Variants in PIEZO2 observed in about 807,000 individuals in gnomAD.
The protein encoded by PIEZO2 is piezo type mechanosensitive ion channel component 2, also known as piezo-type mechanosensitive ion channel component 2.
PIEZO2 carries 172 observed loss-of-function variants against 337.3 expected under a neutral mutation model. That is an observed-to-expected ratio of 0.51 (90% CI 0.45 to 0.58). PIEZO2 has a LOEUF of 0.58. Ranked by LOEUF, PIEZO2 falls within the 20% of genes least tolerant of loss-of-function variation. The pLI, the probability that PIEZO2 is intolerant of heterozygous loss-of-function variation, is 0.00. For missense variants in PIEZO2, 3,028 were observed against 3,391.3 expected (o/e 0.89, Z 2.66); for synonymous variants, 1,251 against 1,228.5 (o/e 1.02, Z -0.38).
chr18:11,039,087 A>G (rs192842194), intron 2 of PIEZO2, among the ~76,000 whole-genome samples: 64 of 152,222 alleles, frequency 4.2e-4, no homozygotes, highest in African/African-American at 1.4e-3. Flanking sequence ...AAAATAAAAC[A>G]AAAGGGAACA....
chr18:11,049,762 C>T (rs538314554), intron 2 of PIEZO2, among the ~76,000 whole-genome samples: 15 of 152,294 alleles, frequency 9.8e-5, no homozygotes, highest in South Asian at 6.2e-4. Context: ...CCATGTAAGA[C>T]ATGCCTTTCG....
rs199585856 is a variant in PIEZO2, at chr18:10,962,859, A to AT, written c.286+16675dup. Among the ~76,000 whole-genome samples the AT allele has an allele frequency of 6.6e-3, 1,012 of 152,296 alleles. 22 individuals are homozygous for AT. Among genetic ancestry groups the AT allele is most frequent in the African/African-American group, 0.023 (949 of 41,564 alleles). ...GAGGGATGACTTTTCCCACTGAGCT[A>AT]TTAGTTCTAACAGCCCTGAAAGCTA... On this transcript the variant is annotated intron_variant, in intron 3 of 55. Coordinates refer to ENST00000674853, the MANE Select transcript of PIEZO2 (RefSeq NM_001378183.1). This position sits in a 1 kb window ranked among gnomAD's most constrained non-coding sequence, Gnocchi z 4.1.
intron 17 of PIEZO2, among the ~76,000 whole-genome samples, chr18:10,780,905 C>T (rs977523194): frequency 6.6e-6 from 1 of 151,680 alleles, no homozygotes; most frequent in Non-Finnish European, 1.5e-5. Flanking sequence ...GCAGGTGATC[C>T]ACCCTCCTCA....
chr18:10,737,051 C>T (rs1441858696), intron 33 of PIEZO2, among the ~76,000 whole-genome samples: 2 of 151,924 alleles, frequency 1.3e-5, no homozygotes, highest in Non-Finnish European at 2.9e-5. Context: ...TCTAGATGAC[C>T]AAAATAACTG....
chr18:10,731,584 AC>A (rs1256380640), intron 35 of PIEZO2, 63 bp from the exon 36 acceptor site: 1 of 1,036,112 alleles, frequency 9.7e-7, no homozygotes, highest in African/African-American at 1.7e-5. Context: ...AGGGACCTAC[AC>A]CAAGCTTCCT....
intron 2 of PIEZO2, among the ~76,000 whole-genome samples, chr18:11,018,614 T>C (rs778003185): frequency 8.5e-5 from 13 of 152,258 alleles, no homozygotes; most frequent in Middle Eastern, 3.4e-3. Flanking sequence ...TGAACACACA[T>C]GTATGCCTGG....
chr18:11,143,054 G>A lies in PIEZO2; in HGVS notation c.64+5471C>T, dbSNP rs906173556. On this transcript the variant is annotated intron_variant, in intron 1 of 55. Transcript: ENST00000674853. The surrounding 1 kb of genome is among the most constrained non-coding windows in gnomAD (Gnocchi z 4.9). ...AGATCACGCCACTGCACTCCAGCCT[G>A]GGTGACAGAGCAAGACTCCGTCTCA... 6.6e-6 allele frequency among the ~76,000 whole-genome samples: 1 copy of A among 152,188 alleles called. No individual in the cohort carries two copies. Among genetic ancestry groups the A allele is most frequent in the Non-Finnish European group, 1.5e-5 (1 of 68,028 alleles).
rs2143745189 is a variant in PIEZO2 at position 10,702,043 on chromosome 18, A to T, written c.6387T>A (p.Val2129=). 6.5e-7 allele frequency: 1 copy of T among 1,536,842 alleles called. No individual in the cohort carries two copies. Among genetic ancestry groups the T allele is most frequent in the East Asian group, 2.4e-5 (1 of 40,904 alleles). ...IIGVEKKEGY[V]LYDLIQLLAL... is the part of the protein sequence containing the mutation. Reference sequence around the variant, plus strand: ...CCAGGAGCTGGATGAGGTCATAGAGAACATAACCTTCCTTCTTTTCCACTC... The same window carrying T: ...CCAGGAGCTGGATGAGGTCATAGAGTACATAACCTTCCTTCTTTTCCACTC... Residue 2129 remains valine (V), a synonymous_variant, in exon 43 of 56, where the codon GTT becomes GTA. Coordinates refer to ENST00000674853, the MANE Select transcript of PIEZO2 (RefSeq NM_001378183.1).
At chr18:10,797,822 G>A (rs1396933933) in intron 11 of PIEZO2, among the ~76,000 whole-genome samples, 1 of 152,186 alleles carries the variant, frequency 6.6e-6, no homozygotes, top group Non-Finnish European at 1.5e-5. Flanking sequence ...GCTGTTGTGT[G>A]GGCCCTCTCC....
rs1007389087 is a variant in PIEZO2, at chr18:10,846,258, C to T, written c.917+9095G>A. On this transcript the variant is annotated intron_variant, in intron 7 of 55. Coordinates refer to ENST00000674853, the MANE Select transcript of PIEZO2 (RefSeq NM_001378183.1). This position sits in a 1 kb window ranked among gnomAD's most constrained non-coding sequence, Gnocchi z 4.1. The stretch of plus-strand genomic sequence containing the variant: ...CACATCTTACACAGATGGCAGCAGG[C>T]AAAGAGAGAGCTCATGCAGGCAAAC... Among the ~76,000 whole-genome samples the T allele has an allele frequency of 5.3e-5, 8 of 152,102 alleles. No homozygotes were observed. Among genetic ancestry groups the T allele is most frequent in the Non-Finnish European group, 1.2e-4 (8 of 68,026 alleles).
intron 1 of PIEZO2, among the ~76,000 whole-genome samples, chr18:11,075,393 A>C (rs540370851): frequency 6.6e-6 from 1 of 152,390 alleles, no homozygotes; most frequent in African/African-American, 2.4e-5. Flanking sequence ...GAGAGAAAGG[A>C]AAAAGGCTGT....
At position 11,080,708 on chromosome 18, in the gene PIEZO2, G is replaced by A. The variant is rs1389463087; in HGVS notation, c.65-14486C>T. ...AAAATACAAAAATTAGCCGGGTGTG[G>A]TGGCATGTGCCTGTAGTCCCAGCTA... On this transcript the variant is annotated intron_variant, in intron 1 of 55. Coordinates refer to ENST00000674853, the MANE Select transcript of PIEZO2 (RefSeq NM_001378183.1). The surrounding 1 kb of genome is among the most constrained non-coding windows in gnomAD (Gnocchi z 5.4). Among the ~76,000 whole-genome samples, 2 of 152,186 alleles carry A rather than the reference G, an allele frequency of 1.3e-5. No individual in the cohort carries two copies. The highest frequency in any genetic ancestry group is 2.9e-5 in the Non-Finnish European group (2 of 68,044).
At position 10,969,160 on chromosome 18, in the gene PIEZO2, C is replaced by T. The variant is rs1285281514; in HGVS notation, c.286+10375G>A. ...CATATTCCATAAATTTGGAAACATA[C>T]AGTTATAGCTTTACATTGTTCGTCT... is the stretch of plus-strand genomic sequence containing the variant. On this transcript the variant is annotated intron_variant, in intron 3 of 55. Coordinates refer to ENST00000674853, the MANE Select transcript of PIEZO2 (RefSeq NM_001378183.1). The surrounding 1 kb of genome is among the most constrained non-coding windows in gnomAD (Gnocchi z 4.5). Among the ~76,000 whole-genome samples the T allele has an allele frequency of 1.3e-5, 2 of 152,198 alleles. No homozygotes were observed. The highest frequency in any genetic ancestry group is 4.8e-5 in the African/African-American group (2 of 41,460).
At chr18:10,732,929 T>TA (rs1244563597) in intron 35 of PIEZO2, among the ~76,000 whole-genome samples, 1 of 152,160 alleles carries the variant, frequency 6.6e-6, no homozygotes, top group Non-Finnish European at 1.5e-5. Flanking sequence ...ACATTTCCTT[T>TA]AAAAAAGTGT....
Position 10,813,620 on chromosome 18 carries a change from G to T in PIEZO2, c.918-6346C>A, listed in dbSNP as rs779267185. 2.0e-5 allele frequency among the ~76,000 whole-genome samples: 3 copies of T among 152,044 alleles called. No individual in the cohort carries two copies. The highest frequency in any genetic ancestry group is 4.4e-5 in the Non-Finnish European group (3 of 68,010). The stretch of plus-strand genomic sequence containing the variant: ...GCTGAATACATAAATATATACATAT[G>T]TATGTCCCATTTGTTAATTCATCTG... On this transcript the variant is annotated intron_variant, in intron 7 of 55. Transcript: ENST00000674853. The surrounding 1 kb of genome is among the most constrained non-coding windows in gnomAD (Gnocchi z 4.2).
At chr18:10,710,662 C>G (rs948445041) in intron 39 of PIEZO2, among the ~76,000 whole-genome samples, 5 of 152,224 alleles carry the variant, frequency 3.3e-5, no homozygotes, top group Non-Finnish European at 5.9e-5. Context: ...ATTCATGCCA[C>G]TGGCCTCGGA....
rs960725384 is a variant in PIEZO2, at chr18:10,954,655, G to T, written c.286+24880C>A. ...AAAAGGGCTGAGCTAGAGTGATGGC[G>T]GCACTCGAAGTCCACTGCAGTCCAC... On this transcript the variant is annotated intron_variant, in intron 3 of 55. Coordinates refer to ENST00000674853, the MANE Select transcript of PIEZO2 (RefSeq NM_001378183.1). The surrounding 1 kb of genome is among the most constrained non-coding windows in gnomAD (Gnocchi z 4.2). Among the ~76,000 whole-genome samples, 1 of 152,106 alleles carries T rather than the reference G, an allele frequency of 6.6e-6. No individual in the cohort carries two copies. Among genetic ancestry groups the T allele is most frequent in the South Asian group, 2.1e-4 (1 of 4,812 alleles).
chr18:10,742,798 T>TTGTGTGTG (rs71169946), intron 31 of PIEZO2, among the ~76,000 whole-genome samples, 183 bp from the exon 32 acceptor site: 8 of 115,624 alleles, frequency 6.9e-5, no homozygotes, highest in East Asian at 3.0e-4. Context: ...ATATACATAT[T>TTGTGTGTG]TGTGTGTGTG....
intron 3 of PIEZO2, among the ~76,000 whole-genome samples, chr18:10,936,378 C>T (rs1414217896): frequency 1.3e-5 from 2 of 152,000 alleles, no homozygotes; most frequent in African/African-American, 2.4e-5. Flanking sequence ...TGGAGTCTGG[C>T]CTCATTGAGG....
Sources: allele counts gnomAD v4.1 joint callset (sites outside exome capture counted in the v4.1 genomes callset), GRCh38; gene constraint gnomAD v4.1.1; non-coding constraint Gnocchi (gnomAD v3.1); transcripts MANE v1.5; gene names NCBI Gene and HGNC (gene_info 2026-07-23, HGNC 2026-07-21).